The following ST8SIA6 variants were observed in gnomAD, a reference collection of about 807,000 sequenced individuals.
The protein encoded by ST8SIA6 is ST8 alpha-N-acetyl-neuraminide alpha-2,8-sialyltransferase 6, also known as alpha-2,8-sialyltransferase 8F.
In ST8SIA6, 39 loss-of-function variants were observed where a neutral mutation model predicts 33.6. The ratio of observed to expected loss-of-function variants is 1.16; its 90% confidence interval spans 0.90 to 1.52. The LOEUF (loss-of-function observed/expected upper bound fraction) is 1.52, where lower values mean the gene tolerates loss of function less well. Ranked by LOEUF, ST8SIA6 falls within the 40% of genes most tolerant of loss-of-function variation. ST8SIA6 has a pLI of 0.00. For synonymous variants in ST8SIA6, 172 were observed against 167.2 expected (o/e 1.03, Z -0.22); for missense variants, 441 against 443.8 (o/e 0.99, Z 0.06).
intron 3 of ST8SIA6, among the ~76,000 whole-genome samples, chr10:17,361,517 AACACACAC>A (rs35428636): frequency 0.02 from 2,995 of 146,182 alleles, 51 homozygotes; most frequent in Admixed American, 0.033. Flanking sequence ...CTTCCTACAA[AACACACAC>A]ACACACACAC....
intron 2 of ST8SIA6, 57 bp from the exon 3 acceptor site, chr10:17,390,677 ATTG>A (rs1850562887): frequency 7.2e-7 from 1 of 1,391,622 alleles, no homozygotes; most frequent in Admixed American, 1.9e-5. Flanking sequence ...CTTATAAGAT[ATTG>A]TTAACAAAAA....
At chr10:17,413,887 G>A (rs191883684) in intron 2 of ST8SIA6, among the ~76,000 whole-genome samples, 16 of 152,280 alleles carry the variant, frequency 1.1e-4, no homozygotes, top group Admixed American at 9.8e-4. Flanking sequence ...ATCCTGTGAA[G>A]TGGGTATTTT....
At chr10:17,421,326 C>G (rs1190998444) in intron 2 of ST8SIA6, among the ~76,000 whole-genome samples, 1 of 152,180 alleles carries the variant, frequency 6.6e-6, no homozygotes, top group Non-Finnish European at 1.5e-5. Flanking sequence ...GGCATTGTTC[C>G]TGAGAGCACT....
chr10:17,319,480 T>G lies in ST8SIA6; in HGVS notation c.*1398A>C, dbSNP rs868500248. 9.2e-5 allele frequency among the ~76,000 whole-genome samples: 14 copies of G among 152,176 alleles called. 1 individual carries two copies. Among genetic ancestry groups the G allele is most frequent in the African/African-American group, 3.4e-4 (14 of 41,442 alleles). On this transcript the variant is annotated 3_prime_UTR_variant, in exon 8 of 8. Coordinates refer to ENST00000377602, the MANE Select transcript of ST8SIA6 (RefSeq NM_001004470.3). ...AACCAGAAACTTCAGATGTGTTAAC[T>G]TGGAAATGTCTACAATTTTCTCCAC...
intron 2 of ST8SIA6, among the ~76,000 whole-genome samples, chr10:17,429,225 T>C (rs1251245050): frequency 1.3e-5 from 2 of 152,032 alleles, no homozygotes; most frequent in African/African-American, 2.4e-5. Flanking sequence ...TTTTTCACTT[T>C]AGGGATATAA....
chr10:17,382,467 T>C (rs1430157688), intron 3 of ST8SIA6, among the ~76,000 whole-genome samples: 1 of 152,198 alleles, frequency 6.6e-6, no homozygotes, highest in Non-Finnish European at 1.5e-5. Context: ...GGTTTCACCA[T>C]GTTGGCCAGG....
intron 4 of ST8SIA6, among the ~76,000 whole-genome samples, chr10:17,354,471 A>G (rs2131611899): frequency 6.6e-6 from 1 of 152,320 alleles, no homozygotes; most frequent in African/African-American, 2.4e-5. Flanking sequence ...GAAAAGGCAG[A>G]CACCTCAACA....
chr10:17,326,912 G>T (rs1848148432), intron 6 of ST8SIA6, 102 bp downstream of exon 6: 2 of 777,504 alleles, frequency 2.6e-6, no homozygotes, highest in Non-Finnish European at 3.8e-6. Flanking sequence ...TTTTGTAACA[G>T]AGCTCAAAGG....
In ST8SIA6 at chr10:17,315,610, G is replaced by T. The variant is rs942429252; in HGVS notation, c.*5268C>A. 1.3e-5 allele frequency among the ~76,000 whole-genome samples: 2 copies of T among 151,936 alleles called. No homozygotes were observed. The highest frequency in any genetic ancestry group is 4.8e-5 in the African/African-American group (2 of 41,422). On this transcript the variant is annotated 3_prime_UTR_variant, in exon 8 of 8. Coordinates refer to ENST00000377602, the MANE Select transcript of ST8SIA6 (RefSeq NM_001004470.3). ...TAATATTATTATGTCGAGCAAAAGTGCAAGACAAGAAATGAGTACAGACAG... is the reference window on the plus strand; with the variant it reads ...TAATATTATTATGTCGAGCAAAAGTTCAAGACAAGAAATGAGTACAGACAG...
intron 2 of ST8SIA6, among the ~76,000 whole-genome samples, chr10:17,404,345 G>A (rs955400898): frequency 6.6e-6 from 1 of 152,112 alleles, no homozygotes; most frequent in African/African-American, 2.4e-5. Flanking sequence ...CCTCATAGGG[G>A]AAAATTTGCC....
In ST8SIA6 at chr10:17,398,453, A is replaced by C. The variant is rs78978858; in HGVS notation, c.201-7833T>G. On this transcript the variant is annotated intron_variant, in intron 2 of 7. Transcript: ENST00000377602. The stretch of plus-strand genomic sequence containing the variant: ...GATCATCCACAAAGACCTCTAAAAC[A>C]TAGAATTAATGTCACCCTCTGTATA... 1.9e-3 allele frequency among the ~76,000 whole-genome samples: 297 copies of C among 152,318 alleles called. 4 individuals carry two copies. The East Asian group carries it at 0.021, about 11-fold the overall frequency.
At chr10:17,360,916 GAA>G (rs1849362751) in intron 3 of ST8SIA6, among the ~76,000 whole-genome samples, 1 of 137,748 alleles carries the variant, frequency 7.3e-6, no homozygotes. Context: ...AGAAGAGGAA[GAA>G]GGGAAGAAGA....
chr10:17,421,670 C>A (rs1851784040), intron 2 of ST8SIA6, among the ~76,000 whole-genome samples: 1 of 152,006 alleles, frequency 6.6e-6, no homozygotes, highest in South Asian at 2.1e-4. Context: ...TCAAGGGATC[C>A]TCCTGCCTCA....
At chr10:17,436,651 C>T (rs1852270814) in intron 2 of ST8SIA6, among the ~76,000 whole-genome samples, 1 of 151,398 alleles carries the variant, frequency 6.6e-6, no homozygotes, top group Non-Finnish European at 1.5e-5. Context: ...TGATAGTTTG[C>T]TGAGAATGAT....
intron 3 of ST8SIA6, among the ~76,000 whole-genome samples, chr10:17,379,084 C>A (rs1850026345): frequency 6.6e-6 from 1 of 151,018 alleles, no homozygotes; most frequent in Non-Finnish European, 1.5e-5. Flanking sequence ...TGAGATCGCA[C>A]CACTGCACTC....
intron 3 of ST8SIA6, among the ~76,000 whole-genome samples, chr10:17,386,469 G>T (rs1217546862): frequency 6.6e-6 from 1 of 152,196 alleles, no homozygotes; most frequent in Admixed American, 6.5e-5. Context: ...AACCCGGGAG[G>T]TGGAGGTTGC....
At position 17,320,589 on chromosome 10, in the gene ST8SIA6, GA is replaced by G. The variant is rs1847910658; in HGVS notation, c.*288del. The G allele has an allele frequency of 2.7e-6, 1 of 366,806 alleles. No individual in the cohort carries two copies. Among genetic ancestry groups the G allele is most frequent in the Non-Finnish European group, 5.0e-6 (1 of 201,912 alleles). The allele number at this position is 366,806 out of a possible 1,614,324, so 22.7% of individuals were successfully genotyped here. A position where few individuals can be genotyped will look rare whatever the true frequency, so the allele number is the denominator to read the frequency against. ...GATGGCTGGTATAAATAGTAAGAAA[GA>G]AATATTCTTTGAGTCCCTACCTCAC... On this transcript the variant is annotated 3_prime_UTR_variant, in exon 8 of 8. Coordinates refer to ENST00000377602, the MANE Select transcript of ST8SIA6 (RefSeq NM_001004470.3).
At chr10:17,362,742 C>T (rs1213981921) in intron 3 of ST8SIA6, among the ~76,000 whole-genome samples, 4 of 152,110 alleles carry the variant, frequency 2.6e-5, no homozygotes, top group African/African-American at 4.8e-5. Context: ...GATGGAGTCT[C>T]GCTTTGTTGC....
At chr10:17,356,810 C>T (rs1055998711) in intron 4 of ST8SIA6, among the ~76,000 whole-genome samples, 1 of 152,056 alleles carries the variant, frequency 6.6e-6, no homozygotes, top group Non-Finnish European at 1.5e-5. Context: ...CTGTACCCTC[C>T]ATGGACCAGC....
Sources: allele counts gnomAD v4.1 joint callset (sites outside exome capture counted in the v4.1 genomes callset), GRCh38; gene constraint gnomAD v4.1.1; transcripts MANE v1.5; gene names NCBI Gene and HGNC (gene_info 2026-07-23, HGNC 2026-07-21).